Variants in MAGI3 observed in about 807,000 individuals in gnomAD.
The protein encoded by MAGI3 is membrane associated guanylate kinase, WW and PDZ domain containing 3.
MAGI3 carries 43 observed loss-of-function variants against 121.8 expected under a neutral mutation model. The ratio of observed to expected loss-of-function variants is 0.35; its 90% CI spans 0.28 to 0.46. The LOEUF (loss-of-function observed/expected upper bound fraction) is 0.46, where lower values mean the gene tolerates loss of function less well. Among genes scored for constraint, MAGI3 ranks in the 20% least tolerant of loss-of-function variants. MAGI3 has a pLI of 1.00. For synonymous variants in MAGI3, 553 were observed against 639.3 expected (o/e 0.86, Z 2.04); for missense variants, 1,547 against 1,797.3 (o/e 0.86, Z 2.52).
rs1381632043 is a variant in MAGI3 at position 113,654,024 on chromosome 1, G to A, written c.2629+6G>A. 3 of 1,607,602 alleles carry A rather than the reference G, an allele frequency of 1.9e-6. No homozygotes were observed. Among genetic ancestry groups the A allele is most frequent in the Non-Finnish European group, 2.5e-6 (3 of 1,176,704 alleles). The stretch of plus-strand genomic sequence containing the variant: ...AAACAAACCACCTCCAGGAGGTAAG[G>A]GCTATTGTATCTTATTGTCTCTCCC... On this transcript the variant is annotated splice_donor_region_variant and intron_variant, in intron 15 of 20. Coordinates refer to ENST00000307546, the MANE Select transcript of MAGI3 (RefSeq NM_001142782.2).
At chr1:113,513,649 C>T (rs1444466250) in intron 1 of MAGI3, among the ~76,000 whole-genome samples, 2 of 152,026 alleles carry the variant, frequency 1.3e-5, no homozygotes, top group Non-Finnish European at 2.9e-5. Flanking sequence ...AAGACTTAAA[C>T]GTTAGACCTA....
chr1:113,583,295 CA>C (rs1325699310), intron 3 of MAGI3, among the ~76,000 whole-genome samples: 7 of 151,046 alleles, frequency 4.6e-5, no homozygotes, highest in African/African-American at 9.8e-5. Context: ...TCCCTCCCCC[CA>C]GATCTAATTT....
intron 1 of MAGI3, among the ~76,000 whole-genome samples, chr1:113,486,318 A>C (rs1446720716): frequency 6.6e-6 from 1 of 152,144 alleles, no homozygotes. Context: ...CATTTTCACA[A>C]TATTGATTCT....
intron 6 of MAGI3, among the ~76,000 whole-genome samples, chr1:113,598,077 T>C (rs1649129273): frequency 6.6e-6 from 1 of 152,060 alleles, no homozygotes. Flanking sequence ...CCAGACATGG[T>C]GGTGGGCACC....
At chr1:113,608,247 A>C (rs1381456544) in intron 6 of MAGI3, among the ~76,000 whole-genome samples, 2 of 151,978 alleles carry the variant, frequency 1.3e-5, no homozygotes, top group Non-Finnish European at 2.9e-5. Flanking sequence ...GGAGGGAAGA[A>C]GGGAAAAGGA....
intron 1 of MAGI3, among the ~76,000 whole-genome samples, chr1:113,506,019 G>T (rs1023483361): frequency 6.6e-6 from 1 of 152,132 alleles, no homozygotes; most frequent in African/African-American, 2.4e-5. Flanking sequence ...ATTTAAGAAA[G>T]CTCACTCTGA....
In MAGI3 at chr1:113,438,151, A is replaced by G. The variant is rs116672737; in HGVS notation, c.316+46802A>G. On this transcript the variant is annotated intron_variant, in intron 1 of 20. Coordinates refer to ENST00000307546, the MANE Select transcript of MAGI3 (RefSeq NM_001142782.2). ...AGGCTGGGGTGACAAGGTTGTTGCT[A>G]TGTTGCCCAGGCTGGCCTCCAATTT... Among the ~76,000 whole-genome samples the G allele has an allele frequency of 3.2e-3, 489 of 151,916 alleles. 4 individuals are homozygous for G. Among genetic ancestry groups the G allele is most frequent in the African/African-American group, 0.011 (461 of 41,410 alleles).
At position 113,524,497 on chromosome 1, in the gene MAGI3, A is replaced by G. The variant is rs1658363995; in HGVS notation, c.317-25018A>G. Among the ~76,000 whole-genome samples, 3 of 152,194 alleles carry G rather than the reference A, an allele frequency of 2.0e-5. No homozygotes were observed. In the South Asian group the frequency reaches 6.2e-4, roughly 32 times the overall value. On this transcript the variant is annotated intron_variant, in intron 1 of 20. Transcript: ENST00000307546. ...CATCAGCATGACCTGGATGTGAGAC[A>G]TGGAGTCTAAGGGGATAATTTTGGA...
chr1:113,536,358 C>T (rs1658997695), intron 1 of MAGI3, among the ~76,000 whole-genome samples: 1 of 152,092 alleles, frequency 6.6e-6, no homozygotes, highest in African/African-American at 2.4e-5. Context: ...CAGATCATCT[C>T]CTCCTCCCTT....
At chr1:113,648,602 C>T (rs557465331) in intron 12 of MAGI3, among the ~76,000 whole-genome samples, 2 of 151,666 alleles carry the variant, frequency 1.3e-5, no homozygotes, top group South Asian at 4.2e-4. Context: ...TGGAAATCAA[C>T]CTGGATTTAA....
At chr1:113,534,053 A>T (rs1658852529) in intron 1 of MAGI3, among the ~76,000 whole-genome samples, 1 of 152,122 alleles carries the variant, frequency 6.6e-6, no homozygotes, top group Admixed American at 6.5e-5. Context: ...GTGAGCATTC[A>T]TTCACTTCAC....
At chr1:113,539,534 TTTAA>T (rs776472644) in intron 1 of MAGI3, among the ~76,000 whole-genome samples, 110 of 152,146 alleles carry the variant, frequency 7.2e-4, no homozygotes, top group Non-Finnish European at 1.1e-3. Context: ...TTACATTTTT[TTTAA>T]TTAATTAATT....
At chr1:113,455,981 T>G (rs1290321011) in intron 1 of MAGI3, among the ~76,000 whole-genome samples, 1 of 151,932 alleles carries the variant, frequency 6.6e-6, no homozygotes, top group Non-Finnish European at 1.5e-5. Context: ...GATGGAGTCT[T>G]GCTCTGTCGC....
At chr1:113,677,763 T>C (rs1647968097) in intron 19 of MAGI3, among the ~76,000 whole-genome samples, 1 of 152,226 alleles carries the variant, frequency 6.6e-6, no homozygotes, top group African/African-American at 2.4e-5. Flanking sequence ...CTTTCCTCTC[T>C]CTTCTCTGTC....
At chr1:113,423,128 A>T (rs1473653321) in intron 1 of MAGI3, among the ~76,000 whole-genome samples, 1 of 152,154 alleles carries the variant, frequency 6.6e-6, no homozygotes, top group Non-Finnish European at 1.5e-5. Flanking sequence ...TTATGTGGAC[A>T]ACTAGAGGAT....
intron 1 of MAGI3, among the ~76,000 whole-genome samples, chr1:113,433,387 A>G (rs934752231): frequency 3.3e-5 from 5 of 152,236 alleles, no homozygotes; most frequent in African/African-American, 1.2e-4. Context: ...CTGAGTCATT[A>G]AATAGAACAC....
chr1:113,605,008 A>G (rs1649668131), intron 6 of MAGI3, among the ~76,000 whole-genome samples: 1 of 150,416 alleles, frequency 6.6e-6, no homozygotes, highest in African/African-American at 2.4e-5. Flanking sequence ...TTATTTTTAG[A>G]TATAGTAAAA....
intron 1 of MAGI3, among the ~76,000 whole-genome samples, chr1:113,513,200 C>T (rs1187076649): frequency 6.6e-6 from 1 of 152,076 alleles, no homozygotes; most frequent in Non-Finnish European, 1.5e-5. Flanking sequence ...GGCCATACTG[C>T]CCAAGGTAAT....
chr1:113,482,163 T>G (rs111718613), intron 1 of MAGI3, among the ~76,000 whole-genome samples: 26 of 152,300 alleles, frequency 1.7e-4, no homozygotes, highest in African/African-American at 5.8e-4. Flanking sequence ...TTTCTAATTA[T>G]TTCCTTAATT....
Sources: allele counts gnomAD v4.1 joint callset (sites outside exome capture counted in the v4.1 genomes callset), GRCh38; gene constraint gnomAD v4.1.1; transcripts MANE v1.5; gene names NCBI Gene and HGNC (gene_info 2026-07-23, HGNC 2026-07-21).